PCDHGA4: variants seen among roughly 807,000 people sequenced by gnomAD.
The protein encoded by PCDHGA4 is protocadherin gamma subfamily A, 4.
A neutral mutation model predicts 54.6 loss-of-function variants in PCDHGA4; 38 were observed. The ratio of observed to expected loss-of-function variants is 0.70; its 90% confidence interval spans 0.54 to 0.91. The LOEUF is 0.91. Ranked by LOEUF, PCDHGA4 falls within the 40% of genes least tolerant of loss-of-function variation. The pLI, the probability that PCDHGA4 is intolerant of heterozygous loss-of-function variation, is 0.00. For missense variants in PCDHGA4, 1,298 were observed against 1,220.9 expected, an observed-to-expected ratio of 1.06 and a Z score of -0.94; for synonymous variants, 511 against 512.9, an observed-to-expected ratio of 1.00 and a Z score of 0.05.
chr5:141,510,795 G>T (rs994874330), intron 3 of PCDHGA4, 152 bp from the exon 4 acceptor site: 6 of 1,465,214 alleles, frequency 4.1e-6, no homozygotes. Flanking sequence ...CTTGTGAAGA[G>T]AGACTACCTT....
At chr5:141,447,238 C>G (rs1028683423) in intron 1 of PCDHGA4, among the ~76,000 whole-genome samples, 2 of 152,148 alleles carry the variant, frequency 1.3e-5, no homozygotes, top group Non-Finnish European at 2.9e-5. Context: ...CTCCCGGGTT[C>G]AAGTGATTCT....
intron 1 of PCDHGA4, among the ~76,000 whole-genome samples, chr5:141,458,201 T>C (rs973995736): frequency 6.6e-6 from 1 of 152,168 alleles, no homozygotes; most frequent in African/African-American, 2.4e-5. Context: ...AGGCCATAAA[T>C]AGTTTAAAAT....
At chr5:141,426,919 C>A (rs1220443930) in intron 1 of PCDHGA4, 3 of 456,620 alleles carry the variant, frequency 6.6e-6, no homozygotes, top group African/African-American at 6.0e-5. Context: ...GTCCTGGAAG[C>A]AATGGACATG....
At chr5:141,428,618 T>C (rs554092834) in intron 1 of PCDHGA4, 1 of 206,012 alleles carries the variant, frequency 4.9e-6, no homozygotes, top group African/African-American at 2.3e-5. Context: ...AATAACAAGA[T>C]AAGCTCTAAC....
chr5:141,384,752 C>A, intron 1 of PCDHGA4: 1 of 1,614,024 alleles, frequency 6.2e-7, no homozygotes, highest in East Asian at 2.2e-5. Flanking sequence ...GGACTCTTTG[C>A]GGTTGGGCTG....
At chr5:141,501,288 TATACAC>T (rs201660636) in intron 2 of PCDHGA4, among the ~76,000 whole-genome samples, 3 of 81,324 alleles carry the variant, frequency 3.7e-5, no homozygotes, top group African/African-American at 1.5e-4. Flanking sequence ...GATATTCCCT[TATACAC>T]ACACACACAC....
intron 1 of PCDHGA4, chr5:141,371,614 A>G: frequency 6.2e-7 from 1 of 1,614,024 alleles, no homozygotes; most frequent in Non-Finnish European, 8.5e-7. Flanking sequence ...TTGGTGACAG[A>G]TGGAGCCCTG....
chr5:141,357,306 C>T lies in PCDHGA4; in HGVS notation c.2199C>T (p.Cys733=). The change falls in exon 1 of 4, where the codon TGC becomes TGT. Residue 733 remains cysteine, a synonymous_variant. Transcript: ENST00000571252. ...YLVVAVAAVS[C]VFLAFVTVLL... is the part of the protein sequence containing the mutation. ...TGGTGGCAGTGGCCGCTGTCTCCTGCGTCTTCCTGGCTTTTGTCACGGTGC... is the reference window on the plus strand; with the variant it reads ...TGGTGGCAGTGGCCGCTGTCTCCTGTGTCTTCCTGGCTTTTGTCACGGTGC... The T allele has an allele frequency of 3.1e-6, 5 of 1,614,076 alleles. No homozygotes were observed. The highest frequency in any genetic ancestry group is 4.2e-6 in the Non-Finnish European group (5 of 1,179,932).
chr5:141,366,189 G>C, intron 1 of PCDHGA4: 1 of 1,613,922 alleles, frequency 6.2e-7, no homozygotes, highest in Non-Finnish European at 8.5e-7. Context: ...TTTGCGGTTG[G>C]GCTGCACACG....
intron 1 of PCDHGA4, chr5:141,478,169 G>A (rs2099436111): frequency 1.2e-6 from 2 of 1,613,716 alleles, no homozygotes; most frequent in Admixed American, 1.7e-5. Flanking sequence ...TGCCCCCCGG[G>A]AGCAGAAAAA....
chr5:141,364,432 G>C (rs763376851), intron 1 of PCDHGA4: 3 of 1,613,796 alleles, frequency 1.9e-6, no homozygotes, highest in Non-Finnish European at 8.5e-7. Context: ...TCCGCTACTC[G>C]ATGCCGGAGG....
intron 1 of PCDHGA4, chr5:141,375,003 TA>T: frequency 6.2e-7 from 1 of 1,614,054 alleles, no homozygotes; most frequent in Non-Finnish European, 8.5e-7. Flanking sequence ...TCTGCAAATC[TA>T]GACTATGAGG....
chr5:141,470,130 A>G (rs915991313), intron 1 of PCDHGA4, among the ~76,000 whole-genome samples: 4 of 151,534 alleles, frequency 2.6e-5, no homozygotes, highest in African/African-American at 4.9e-5. Flanking sequence ...CTTCGTCTCA[A>G]AAAAAAAGAT....
intron 1 of PCDHGA4, chr5:141,393,518 A>C: frequency 6.2e-7 from 1 of 1,614,030 alleles, no homozygotes; most frequent in Non-Finnish European, 8.5e-7. Context: ...TGTTGGATAC[A>C]AATGACAATG....
At chr5:141,426,015 T>G (rs1168777347) in intron 1 of PCDHGA4, among the ~76,000 whole-genome samples, 3 of 152,200 alleles carry the variant, frequency 2.0e-5, no homozygotes, top group African/African-American at 7.2e-5. Flanking sequence ...GGCTGCAGTT[T>G]TCTAAATAGA....
chr5:141,389,068 C>T (rs1265953328), intron 1 of PCDHGA4: 2 of 1,613,904 alleles, frequency 1.2e-6, no homozygotes, highest in East Asian at 2.2e-5. Flanking sequence ...ATATTAACTT[C>T]TTCAAGAAAC....
In PCDHGA4 at chr5:141,476,238, G is replaced by A; in HGVS notation, c.2515-18569G>A. The A allele has an allele frequency of 1.2e-6, 2 of 1,614,098 alleles. No individual in the cohort carries two copies. ...ATTCACTATGAGATCCCGGAGGAAAGAGAGAAGGGTTTCGCTGTGGGCAAC... is the reference window on the plus strand; with the variant it reads ...ATTCACTATGAGATCCCGGAGGAAAAAGAGAAGGGTTTCGCTGTGGGCAAC... On this transcript the variant is annotated intron_variant, in intron 1 of 3. Coordinates refer to ENST00000571252, the MANE Select transcript of PCDHGA4 (RefSeq NM_018917.4). The surrounding 1 kb of genome is among the most constrained non-coding windows in gnomAD (Gnocchi z 7.6).
rs1477077191 is a variant in PCDHGA4, at chr5:141,427,802, C to T, written c.2515-67005C>T. 7.3e-6 allele frequency: 11 copies of T among 1,510,148 alleles called. No individual in the cohort carries two copies. In the South Asian group the frequency reaches 9.0e-5, roughly 12 times the overall value. The allele number at this position is 1,510,148 out of a possible 1,614,324, so 93.5% of individuals were successfully genotyped here. A position where few individuals can be genotyped will look rare whatever the true frequency, so the allele number is the denominator to read the frequency against. On this transcript the variant is annotated intron_variant, in intron 1 of 3. Transcript: ENST00000571252. ...CACTGTCGTCCTACGTGTCCGTGAG[C>T]GCACAGAGCGGGGTGGTGGTCGCGC... is the stretch of plus-strand genomic sequence containing the variant.
At position 141,477,781 on chromosome 5, in the gene PCDHGA4, A is replaced by G; in HGVS notation, c.2515-17026A>G. 6.2e-7 allele frequency: 1 copy of G among 1,614,036 alleles called. No homozygotes were observed. Among genetic ancestry groups the G allele is most frequent in the South Asian group, 1.1e-5 (1 of 91,090 alleles). Reference sequence around the variant, plus strand: ...TAGCCACCAACATCAGCGTGAACATATTTGTCACTGATCGCAATGACAATG... The same window carrying G: ...TAGCCACCAACATCAGCGTGAACATGTTTGTCACTGATCGCAATGACAATG... On this transcript the variant is annotated intron_variant, in intron 1 of 3. Coordinates refer to ENST00000571252, the MANE Select transcript of PCDHGA4 (RefSeq NM_018917.4). The surrounding 1 kb of genome is among the most constrained non-coding windows in gnomAD (Gnocchi z 4.9).
Sources: gnomAD v4.1 joint callset for allele counts (sites outside exome capture counted in the v4.1 genomes callset) on GRCh38, gnomAD v4.1.1 for gene constraint, Gnocchi (gnomAD v3.1) non-coding constraint, MANE v1.5 for transcripts, NCBI Gene and HGNC (gene_info 2026-07-23, HGNC 2026-07-21) for gene names.